The following EVC2 variants were observed in gnomAD, a reference collection of about 807,000 sequenced individuals.
The protein encoded by EVC2 is EvC ciliary complex subunit 2.
In EVC2, 148 loss-of-function variants were observed where a neutral mutation model predicts 149.3. That is an observed-to-expected ratio of 0.99 (90% confidence interval 0.87 to 1.14). The LOEUF is 1.14. Among genes scored for constraint, EVC2 ranks in the 50% most tolerant of loss-of-function variants. The probability of loss-of-function intolerance (pLI) is 0.00; values close to 1 mark genes in which losing one functional copy is unlikely to be tolerated. For synonymous variants in EVC2, 776 were observed against 649.9 expected, an observed-to-expected ratio of 1.19 and a Z score of -2.95; for missense variants, 1,854 against 1,627.3, an observed-to-expected ratio of 1.14 and a Z score of -2.40.
chr4:5,572,307 T>C (rs571924460), intron 19 of EVC2, among the ~76,000 whole-genome samples: 30 of 152,352 alleles, frequency 2.0e-4, no homozygotes, highest in African/African-American at 6.5e-4. Flanking sequence ...TGAACATTTG[T>C]GTCTCTTCCA....
chr4:5,555,503 G>A (rs1391006497), intron 21 of EVC2, among the ~76,000 whole-genome samples: 2 of 152,138 alleles, frequency 1.3e-5, no homozygotes, highest in African/African-American at 4.8e-5. Context: ...AGCTGGGATA[G>A]CTGTATTGCT....
chr4:5,692,455 C>T (rs1279387832), intron 3 of EVC2, among the ~76,000 whole-genome samples: 1 of 152,220 alleles, frequency 6.6e-6, no homozygotes, highest in Non-Finnish European at 1.5e-5. Context: ...AATACTCTTG[C>T]CAAAGATTAC....
chr4:5,652,386 G>A (rs1035341052), intron 9 of EVC2, among the ~76,000 whole-genome samples: 2 of 152,216 alleles, frequency 1.3e-5, no homozygotes, highest in Admixed American at 6.5e-5. Flanking sequence ...AAGGACAGAC[G>A]CACCCTCCGG....
At chr4:5,558,331 G>T (rs1250798133), downstream of EVC2, among the ~76,000 whole-genome samples, 2 of 152,162 alleles carry the variant, frequency 1.3e-5, no homozygotes, top group Non-Finnish European at 2.9e-5. Context: ...TATAGAGATA[G>T]TAAAATGATC....
intron 9 of EVC2, among the ~76,000 whole-genome samples, chr4:5,653,134 C>T (rs779660433): frequency 6.6e-6 from 1 of 152,162 alleles, no homozygotes; most frequent in Non-Finnish European, 1.5e-5. Flanking sequence ...GTCCAGATTT[C>T]CCTCTTCTTA....
Position 5,584,835 on chromosome 4 carries a change from G to A in EVC2, c.2845C>T (p.Leu949=). ...DLVEKVRGEL[L]RERVQRMEAQ... ...TCCATCCGCTGCACTCTCTCCCGCA[G>A]CAATTCACCTCGAACCTGGGAGGGG... The change falls in exon 17 of 22, where the codon CTG becomes TTG. Residue 949 remains leucine (L), a synonymous_variant. Coordinates refer to ENST00000344408, the MANE Select transcript of EVC2 (RefSeq NM_147127.5). The A allele has an allele frequency of 6.2e-7, 1 of 1,614,188 alleles. No homozygotes were observed. The highest frequency in any genetic ancestry group is 2.2e-5 in the East Asian group (1 of 44,860).
chr4:5,709,239 G>C (rs1365501318), upstream of EVC2: 1 of 151,926 alleles, frequency 6.6e-6, no homozygotes, highest in East Asian at 1.9e-4. Context: ...AGGGGACAGG[G>C]ATTTGCTTTG....
chr4:5,605,657 T>C (rs1345407581), intron 16 of EVC2, among the ~76,000 whole-genome samples: 1 of 152,264 alleles, frequency 6.6e-6, no homozygotes, highest in Non-Finnish European at 1.5e-5. Context: ...TTATCTGTCC[T>C]GCCCAGGAAC....
downstream of EVC2, among the ~76,000 whole-genome samples, chr4:5,542,195 T>A (rs1388008635): frequency 1.3e-5 from 2 of 152,312 alleles, no homozygotes; most frequent in South Asian, 4.1e-4. Flanking sequence ...CTCACACCTG[T>A]AACCCCAGCA....
At position 5,625,381 on chromosome 4, in the gene EVC2, T is replaced by C. The variant is rs990535746; in HGVS notation, c.2046+368A>G. 6.6e-6 allele frequency among the ~76,000 whole-genome samples: 1 copy of C among 151,598 alleles called. No homozygotes were observed. Among genetic ancestry groups the C allele is most frequent in the African/African-American group, 2.4e-5 (1 of 41,230 alleles). On this transcript the variant is annotated intron_variant, in intron 13 of 21. Coordinates refer to ENST00000344408, the MANE Select transcript of EVC2 (RefSeq NM_147127.5). The surrounding 1 kb of genome is among the most constrained non-coding windows in gnomAD (Gnocchi z 4.0). ...TGGTATCTCCCTCATAGGGTTAATA[T>C]ACAGATTAAACAAGATATCTTATAT...
intron 5 of EVC2, among the ~76,000 whole-genome samples, chr4:5,685,715 T>C (rs1720657970): frequency 6.6e-6 from 1 of 152,284 alleles, no homozygotes; most frequent in African/African-American, 2.4e-5. Flanking sequence ...GGACTCCCAC[T>C]CCTGACGTTT....
Position 5,609,439 on chromosome 4 carries a change from T to C in EVC2, c.2829+5983A>G, listed in dbSNP as rs74777471. On this transcript the variant is annotated intron_variant, in intron 16 of 21. Transcript: ENST00000344408. ...CATTAAAGCTGTCAACTCAAGAGTG[T>C]CTATTCTCTTGGCACCTGCCACAAT... Among the ~76,000 whole-genome samples, 712 of 152,326 alleles carry C rather than the reference T, an allele frequency of 4.7e-3. 7 individuals carry two copies. Among genetic ancestry groups the C allele is most frequent in the African/African-American group, 0.016 (680 of 41,568 alleles).
rs147261144 is a variant in EVC2 at position 5,626,161 on chromosome 4, C to T, written c.1887-253G>A. ...AAGAGTTCTGGAAGAAAGTAACATT[C>T]GAGAGGACCACTCTGGTGCAGACAG... On this transcript the variant is annotated intron_variant, in intron 12 of 21. Coordinates refer to ENST00000344408, the MANE Select transcript of EVC2 (RefSeq NM_147127.5). Among the ~76,000 whole-genome samples, 417 of 152,164 alleles carry T rather than the reference C, an allele frequency of 2.7e-3. 3 individuals are homozygous for T. The highest frequency in any genetic ancestry group is 9.4e-3 in the African/African-American group (391 of 41,514).
intron 9 of EVC2, among the ~76,000 whole-genome samples, chr4:5,654,558 G>A (rs995621100): frequency 9.2e-5 from 14 of 152,192 alleles, no homozygotes; most frequent in Non-Finnish European, 7.3e-5. Context: ...ATCTTTGGTG[G>A]GCAATGGCAG....
Position 5,569,831 on chromosome 4 carries a change from G to C in EVC2, c.3361-1191C>G, listed in dbSNP as rs546133718. 6.6e-6 allele frequency among the ~76,000 whole-genome samples: 1 copy of C among 152,056 alleles called. No individual in the cohort carries two copies. Among genetic ancestry groups the C allele is most frequent in the Admixed American group, 6.6e-5 (1 of 15,266 alleles). On this transcript the variant is annotated intron_variant, in intron 19 of 21. Coordinates refer to ENST00000344408, the MANE Select transcript of EVC2 (RefSeq NM_147127.5). This position sits in a 1 kb window ranked among gnomAD's most constrained non-coding sequence, Gnocchi z 4.8. Reference sequence around the variant, plus strand: ...GCTTTCAGTGAAGGCACGAGGAAAGGTGCTGTTCCAAATACCAAAGCTCCT... The same window carrying C: ...GCTTTCAGTGAAGGCACGAGGAAAGCTGCTGTTCCAAATACCAAAGCTCCT...
At chr4:5,571,469 G>T (rs1245459859) in intron 19 of EVC2, among the ~76,000 whole-genome samples, 1 of 151,422 alleles carries the variant, frequency 6.6e-6, no homozygotes, top group African/African-American at 2.4e-5. Context: ...AAAAATTAAA[G>T]AAATGGAACA....
At chr4:5,568,905 A>G (rs1159635623) in intron 19 of EVC2, among the ~76,000 whole-genome samples, 1 of 152,122 alleles carries the variant, frequency 6.6e-6, no homozygotes, top group African/African-American at 2.4e-5. Flanking sequence ...AAATCCCCAC[A>G]GCAAAAGCCC....
intron 7 of EVC2, among the ~76,000 whole-genome samples, chr4:5,673,763 G>A (rs149929196): frequency 3.1e-4 from 47 of 152,300 alleles, no homozygotes; most frequent in Non-Finnish European, 6.2e-4. Context: ...AGTTACAAAA[G>A]CATGATGAAG....
At chr4:5,594,553 C>T (rs560180862) in intron 16 of EVC2, among the ~76,000 whole-genome samples, 6 of 152,218 alleles carry the variant, frequency 3.9e-5, no homozygotes, top group Non-Finnish European at 8.8e-5. Context: ...AAAGGACACC[C>T]ACACCAAAAA....
Sources: gnomAD v4.1 joint callset for allele counts (sites outside exome capture counted in the v4.1 genomes callset) on GRCh38, gnomAD v4.1.1 for gene constraint, Gnocchi (gnomAD v3.1) non-coding constraint, MANE v1.5 for transcripts, NCBI Gene and HGNC (gene_info 2026-07-23, HGNC 2026-07-21) for gene names.